Variants in KCNIP4 observed in about 807,000 individuals in gnomAD.
The protein encoded by KCNIP4 is Kv channel-interacting protein 4.
A neutral mutation model predicts 34.0 loss-of-function variants in KCNIP4; 12 were observed. That is an observed-to-expected ratio of 0.35 (90% CI 0.23 to 0.57). The LOEUF (loss-of-function observed/expected upper bound fraction) is 0.57, where lower values mean the gene tolerates loss of function less well. Among genes scored for constraint, KCNIP4 ranks in the 20% least tolerant of loss-of-function variants. The pLI, the probability that KCNIP4 is intolerant of heterozygous loss-of-function variation, is 0.83. For synonymous variants in KCNIP4, 124 were observed against 102.2 expected (o/e 1.21, Z -1.29); for missense variants, 238 against 311.7 (o/e 0.76, Z 1.78).
intron 1 of KCNIP4, among the ~76,000 whole-genome samples, chr4:21,465,743 A>G (rs191518640): frequency 6.6e-4 from 100 of 152,322 alleles, no homozygotes; most frequent in African/African-American, 2.4e-3. Context: ...AAGATAAGGT[A>G]CCTGACACAT....
chr4:21,735,857 T>G (rs1406070568), intron 1 of KCNIP4, among the ~76,000 whole-genome samples: 4 of 152,174 alleles, frequency 2.6e-5, no homozygotes. Context: ...AATGTGACCA[T>G]TTGCTATCAT....
intron 1 of KCNIP4, among the ~76,000 whole-genome samples, chr4:21,474,090 G>A (rs1730703757): frequency 1.3e-5 from 2 of 152,130 alleles, no homozygotes. Context: ...GAACTTGATG[G>A]AAAATTGGCA....
At chr4:21,291,601 G>A (rs561200094) in intron 1 of KCNIP4, among the ~76,000 whole-genome samples, 21 of 152,030 alleles carry the variant, frequency 1.4e-4, no homozygotes, top group African/African-American at 4.8e-4. Flanking sequence ...TGTAATCCCA[G>A]CACTTTGGGA....
chr4:21,535,148 G>T (rs1233123505), intron 1 of KCNIP4, among the ~76,000 whole-genome samples: 1 of 152,024 alleles, frequency 6.6e-6, no homozygotes, highest in Non-Finnish European at 1.5e-5. Context: ...ATAAAATTAG[G>T]CTTAACACAG....
In KCNIP4 at chr4:21,537,275, T is replaced by C. The variant is rs1051317460; in HGVS notation, c.61+411296A>G. ...TGGTCATTTTCAAACTTAAATTCTG[T>C]ATACAGTACAAGCATACTGTTGAGG... On this transcript the variant is annotated intron_variant, in intron 1 of 8. Transcript: ENST00000382152. 2.0e-4 allele frequency among the ~76,000 whole-genome samples: 30 copies of C among 152,184 alleles called. 1 individual carries two copies. The highest frequency in any genetic ancestry group is 1.2e-4 in the Non-Finnish European group (8 of 68,034).
At chr4:21,369,959 C>G (rs1330557504) in intron 1 of KCNIP4, among the ~76,000 whole-genome samples, 1 of 146,372 alleles carries the variant, frequency 6.8e-6, no homozygotes, top group Non-Finnish European at 1.5e-5. Context: ...TCCCGAGTAG[C>G]TGGGACTACA....
chr4:21,227,382 G>T (rs1758479340), intron 1 of KCNIP4, among the ~76,000 whole-genome samples: 1 of 152,128 alleles, frequency 6.6e-6, no homozygotes, highest in African/African-American at 2.4e-5. Flanking sequence ...TGCCAAAAGG[G>T]AAGCATGCCC....
rs539591191 is a variant in KCNIP4 at position 21,653,454 on chromosome 4, C to T, written c.61+295117G>A. Among the ~76,000 whole-genome samples the T allele has an allele frequency of 2.0e-5, 3 of 152,152 alleles. No homozygotes were observed. The East Asian group carries it at 5.8e-4, about 29-fold the overall frequency. The stretch of plus-strand genomic sequence containing the variant: ...TTAGCTAATATCAGTTTTACAATGC[C>T]GTAGAAGTAAATATGCTCTCAATTG... On this transcript the variant is annotated intron_variant, in intron 1 of 8. Coordinates refer to ENST00000382152, the MANE Select transcript of KCNIP4 (RefSeq NM_025221.6).
intron 1 of KCNIP4, among the ~76,000 whole-genome samples, chr4:21,238,176 A>C (rs1020064910): frequency 6.6e-6 from 1 of 152,246 alleles, no homozygotes; most frequent in African/African-American, 2.4e-5. Context: ...ATAAAATTCA[A>C]CAAGGCTTCA....
chr4:20,729,460 CTGATAAT>C lies in KCNIP4; in HGVS notation c.*615_*621del, dbSNP rs1160477397. The C allele has an allele frequency of 2.4e-5, 3 of 123,440 alleles. No individual in the cohort carries two copies. The highest frequency in any genetic ancestry group is 8.7e-5 in the African/African-American group (3 of 34,440). 7.6% of individuals were successfully genotyped at this position (123,440 alleles called of 1,614,324 possible). A position where few individuals can be genotyped will look rare whatever the true frequency, so the allele number is the denominator to read the frequency against. On this transcript the variant is annotated 3_prime_UTR_variant, in exon 9 of 9. Coordinates refer to ENST00000382152, the MANE Select transcript of KCNIP4 (RefSeq NM_025221.6). ...AGTTTTATTAGGCATATGCTGATATCTGATAATAAACTAATTTTTAAATGTTTAATAA... is the reference window on the plus strand; with the variant it reads ...AGTTTTATTAGGCATATGCTGATATCAAACTAATTTTTAAATGTTTAATAA...
At chr4:21,662,963 A>T (rs1748559979) in intron 1 of KCNIP4, among the ~76,000 whole-genome samples, 3 of 152,210 alleles carry the variant, frequency 2.0e-5, no homozygotes, top group Non-Finnish European at 2.9e-5. Context: ...AAAAGAAGAA[A>T]CTATTGATCA....
At position 21,304,029 on chromosome 4, in the gene KCNIP4, A is replaced by G. The variant is rs930887234; in HGVS notation, c.62-421320T>C. The G allele has an allele frequency of 7.4e-5, 20 of 268,948 alleles. No homozygotes were observed. In the East Asian group the frequency reaches 2.3e-3, roughly 31 times the overall value. 16.7% of individuals were successfully genotyped at this position (268,948 alleles called of 1,614,324 possible). On this transcript the variant is annotated intron_variant, in intron 1 of 8. Coordinates refer to ENST00000382152, the MANE Select transcript of KCNIP4 (RefSeq NM_025221.6). ...TGGAGAAAGGGGAGGAGGAGAGCGTATGAGAGAGAGAGAGAGAGAGAGAGA... is the reference window on the plus strand; with the variant it reads ...TGGAGAAAGGGGAGGAGGAGAGCGTGTGAGAGAGAGAGAGAGAGAGAGAGA...
At chr4:20,925,213 C>A (rs1219391236) in intron 1 of KCNIP4, among the ~76,000 whole-genome samples, 2 of 152,024 alleles carry the variant, frequency 1.3e-5, no homozygotes, top group Non-Finnish European at 1.5e-5. Flanking sequence ...AAGTCATATC[C>A]ATGACTATTG....
At chr4:21,896,863 G>T (rs1032335020) in intron 1 of KCNIP4, among the ~76,000 whole-genome samples, 1 of 151,748 alleles carries the variant, frequency 6.6e-6, no homozygotes, top group South Asian at 2.1e-4. Context: ...AGGGTGCAGC[G>T]AGCCAAGATT....
At chr4:21,606,071 T>TA (rs1278916264) in intron 1 of KCNIP4, among the ~76,000 whole-genome samples, 1 of 152,098 alleles carries the variant, frequency 6.6e-6, no homozygotes, top group Non-Finnish European at 1.5e-5. Flanking sequence ...TGAACAATCT[T>TA]ACTGGGGAGT....
At chr4:21,207,504 C>G (rs1756930714) in intron 1 of KCNIP4, among the ~76,000 whole-genome samples, 1 of 152,176 alleles carries the variant, frequency 6.6e-6, no homozygotes, top group Non-Finnish European at 1.5e-5. Flanking sequence ...TACATGTCTG[C>G]AGCAAGCAAA....
chr4:21,045,109 C>T (rs571097405), intron 1 of KCNIP4, among the ~76,000 whole-genome samples: 20 of 152,296 alleles, frequency 1.3e-4, no homozygotes, highest in African/African-American at 4.8e-4. Context: ...GGGAATAGTA[C>T]TTTATTTTAC....
At chr4:21,409,882 C>T (rs183518284) in intron 1 of KCNIP4, among the ~76,000 whole-genome samples, 67 of 152,146 alleles carry the variant, frequency 4.4e-4, no homozygotes, top group African/African-American at 1.6e-3. Flanking sequence ...TTTTGAATGC[C>T]AGACCAAAGC....
chr4:21,491,515 C>A (rs1732396271), intron 1 of KCNIP4, among the ~76,000 whole-genome samples: 1 of 152,104 alleles, frequency 6.6e-6, no homozygotes, highest in Admixed American at 6.6e-5. Context: ...GCTGGAACTA[C>A]AAGTGTGTGC....
Sources: allele counts gnomAD v4.1 joint callset (sites outside exome capture counted in the v4.1 genomes callset), GRCh38; gene constraint gnomAD v4.1.1; transcripts MANE v1.5; gene names NCBI Gene and HGNC (gene_info 2026-07-23, HGNC 2026-07-21).